MIAT: variants seen among roughly 807,000 people sequenced by gnomAD.
MIAT encodes MI related novel mRNA.
At chr22:26,664,160 C>T (rs1015553573) in intron 3 of MIAT, among the ~76,000 whole-genome samples, 2 of 151,910 alleles carry the variant, frequency 1.3e-5, no homozygotes, top group Middle Eastern at 3.2e-3. Context: ...TACAGGTGTG[C>T]ACCACCACAC....
At chr22:26,670,880 T>G, downstream of MIAT, 1 of 398,310 alleles carries the variant, frequency 2.5e-6, no homozygotes, top group Non-Finnish European at 4.4e-6. Flanking sequence ...AGGTGCTTTG[T>G]AGCATTGGCT....
In MIAT at chr22:26,665,048, C is replaced by A. The variant is rs542836768; in HGVS notation, n.730-483C>A. Among the ~76,000 whole-genome samples, 6 of 152,040 alleles carry A rather than the reference C, an allele frequency of 3.9e-5. No homozygotes were observed. In the South Asian group the frequency reaches 6.2e-4, roughly 16 times the overall value. ...GGTTAGGAGTTCAAGACCAGTCTGG[C>A]CAACATGGTGAAACCCCGTCTCTAC... On this transcript the variant is annotated intron_variant and non_coding_transcript_variant, in intron 3 of 5. Transcript: ENST00000643270.
chr22:26,675,034 A>G (rs1040650761), exon 5 of MIAT: 8 of 398,660 alleles, frequency 2.0e-5, no homozygotes, highest in Non-Finnish European at 2.2e-5. Context: ...ACTCTGTGCC[A>G]GGCGTGTGCC....
chr22:26,648,884 A>G (rs964028062), intron 2 of MIAT, among the ~76,000 whole-genome samples: 18 of 150,802 alleles, frequency 1.2e-4, no homozygotes, highest in African/African-American at 3.9e-4. Flanking sequence ...TGGCCTTGAG[A>G]GAGAAAGAGA....
intron 2 of MIAT, among the ~76,000 whole-genome samples, chr22:26,661,328 C>T (rs1428706425): frequency 1.3e-5 from 2 of 152,190 alleles, no homozygotes; most frequent in Non-Finnish European, 2.9e-5. Context: ...TGACATCTGT[C>T]TCCCTATCCC....
chr22:26,674,995 A>G (rs1931206504), exon 5 of MIAT: 1 of 398,716 alleles, frequency 2.5e-6, no homozygotes, highest in Non-Finnish European at 4.4e-6. Flanking sequence ...TGGGAGCACC[A>G]AGGAGACAGA....
downstream of MIAT, chr22:26,673,191 C>T (rs765921065): frequency 3.0e-5 from 12 of 398,556 alleles, no homozygotes; most frequent in Non-Finnish European, 5.3e-5. Context: ...ATGCTCAGGC[C>T]GGCCAGGAAT....
At chr22:26,672,844 A>G (rs914516792), downstream of MIAT, 5 of 398,492 alleles carry the variant, frequency 1.3e-5, no homozygotes, top group African/African-American at 4.1e-5. Context: ...GAAGTCGGCC[A>G]GAGAAACATT....
chr22:26,653,410 G>A lies in MIAT; in HGVS notation n.646+6099G>A, dbSNP rs141296575. ...ATGGTCACCCCTTTTGCTCCCCTCC[G>A]CCACCTCCCCACTGCTTGCCTTGAA... On this transcript the variant is annotated intron_variant and non_coding_transcript_variant, in intron 2 of 5. Transcript: ENST00000643270. 8.8e-3 allele frequency among the ~76,000 whole-genome samples: 1,335 copies of A among 152,068 alleles called. 8 individuals carry two copies. Among genetic ancestry groups the A allele is most frequent in the Middle Eastern group, 0.017 (5 of 294 alleles).
exon 6 of MIAT, chr22:26,668,678 C>G (rs1183203419): frequency 2.5e-6 from 1 of 399,036 alleles, no homozygotes; most frequent in Non-Finnish European, 4.4e-6. Flanking sequence ...GATGCAGCTC[C>G]TCGGGTGCCG....
chr22:26,646,934 C>T lies in MIAT; in HGVS notation n.483C>T, dbSNP rs58231892. ...AGATGTTCAGAGCAAGAGATGAAGACGGCATCATCAACCCAGACAAGCCAG... is the reference window on the plus strand; with the variant it reads ...AGATGTTCAGAGCAAGAGATGAAGATGGCATCATCAACCCAGACAAGCCAG... On this transcript the variant is annotated non_coding_transcript_exon_variant, in exon 1 of 6. Coordinates refer to ENST00000643270, the Ensembl canonical transcript of MIAT. 1,108 of 398,596 alleles carry T rather than the reference C, an allele frequency of 2.8e-3. 5 individuals are homozygous for T. Among genetic ancestry groups the T allele is most frequent in the African/African-American group, 0.019 (912 of 48,716 alleles). 24.7% of individuals were successfully genotyped at this position (398,596 alleles called of 1,614,324 possible). A position where few individuals can be genotyped will look rare whatever the true frequency, so the allele number is the denominator to read the frequency against.
chr22:26,671,829 C>A (rs8142049), downstream of MIAT: 1 of 391,768 alleles, frequency 2.6e-6, no homozygotes. Context: ...TGGCAGACAC[C>A]TAAAAAAAAA....
intron 3 of MIAT, among the ~76,000 whole-genome samples, chr22:26,665,275 G>GAAAGAAAGAAAGAAAGAAAGAA (rs1569221729): frequency 7.0e-6 from 1 of 143,578 alleles, no homozygotes; most frequent in Admixed American, 6.8e-5. Flanking sequence ...AAGAAAGAAA[G>GAAAGAAAGAAAGAAAGAAAGAA]AAAGAAAGAA....
chr22:26,656,789 T>A (rs1487906564), intron 2 of MIAT, among the ~76,000 whole-genome samples: 1 of 152,120 alleles, frequency 6.6e-6, no homozygotes, highest in Non-Finnish European at 1.5e-5. Flanking sequence ...TAGTCCCAGC[T>A]ACTCCGAAGG....
At chr22:26,664,577 A>T (rs1161543527) in intron 3 of MIAT, among the ~76,000 whole-genome samples, 1 of 152,168 alleles carries the variant, frequency 6.6e-6, no homozygotes, top group Non-Finnish European at 1.5e-5. Flanking sequence ...CCTTTTCTGG[A>T]TATTTTGTAT....
chr22:26,654,768 G>A (rs1405843093), intron 2 of MIAT, among the ~76,000 whole-genome samples: 2 of 152,054 alleles, frequency 1.3e-5, no homozygotes, highest in Non-Finnish European at 2.9e-5. Context: ...GCTGGAGTGA[G>A]TGGCGTGATC....
intron 2 of MIAT, among the ~76,000 whole-genome samples, chr22:26,662,460 T>C (rs1930710060): frequency 6.6e-6 from 1 of 152,214 alleles, no homozygotes; most frequent in African/African-American, 2.4e-5. Flanking sequence ...TTCTTTTCCT[T>C]CTTCTTGGTT....
At chr22:26,669,874 C>A, downstream of MIAT, 1 of 398,698 alleles carries the variant, frequency 2.5e-6, no homozygotes, top group African/African-American at 2.1e-5. Context: ...GCCTGGGCTA[C>A]AACCCTGGGC....
intron 2 of MIAT, among the ~76,000 whole-genome samples, chr22:26,648,840 T>C (rs1164025952): frequency 1.3e-5 from 2 of 152,006 alleles, no homozygotes; most frequent in Admixed American, 6.6e-5. Context: ...ACTAACCAGG[T>C]ATAAGAACTC....
Sources: gnomAD v4.1 joint callset for allele counts (sites outside exome capture counted in the v4.1 genomes callset) on GRCh38, gnomAD v4.1.1 for gene constraint, MANE v1.5 for transcripts, NCBI Gene and HGNC (gene_info 2026-07-23, HGNC 2026-07-21) for gene names.